The following RBFOX1 variants were observed in gnomAD, a reference collection of about 807,000 sequenced individuals.
RBFOX1 encodes RNA binding fox-1 homolog 1, also known as RNA binding protein fox-1 homolog 1.
RBFOX1 carries 8 observed loss-of-function variants against 57.7 expected under a neutral mutation model. That is an observed-to-expected ratio of 0.14 (90% CI 0.08 to 0.25). The LOEUF (loss-of-function observed/expected upper bound fraction) is 0.25. Among genes scored for constraint, RBFOX1 ranks in the 10% least tolerant of loss-of-function variants. The probability of loss-of-function intolerance (pLI) is 1.00; values close to 1 mark genes in which losing one functional copy is unlikely to be tolerated. For missense variants in RBFOX1, 611 were observed against 548.5 expected, an observed-to-expected ratio of 1.11 and a Z score of -1.14; for synonymous variants, 326 against 222.4, an observed-to-expected ratio of 1.47 and a Z score of -4.15.
In RBFOX1 at chr16:6,367,771, A is replaced by G. The variant is rs545750980; in HGVS notation, c.-64+50714A>G. 1.5e-4 allele frequency among the ~76,000 whole-genome samples: 23 copies of G among 150,718 alleles called. No individual in the cohort carries two copies. The East Asian group carries it at 4.1e-3, about 27-fold the overall frequency. On this transcript the variant is annotated intron_variant, in intron 2 of 15. Coordinates refer to ENST00000550418, the MANE Select transcript of RBFOX1 (RefSeq NM_018723.4). Reference sequence around the variant, plus strand: ...GTTAAAAAAAAAAAAAAATAGGGAAAATGATGCCAGGAGCAGAAAGCAAAG... The same window carrying G: ...GTTAAAAAAAAAAAAAAATAGGGAAGATGATGCCAGGAGCAGAAAGCAAAG...
chr16:7,412,641 A>T (rs75441812), intron 4 of RBFOX1, among the ~76,000 whole-genome samples: 1,878 of 152,364 alleles, frequency 0.012, 44 homozygotes, highest in African/African-American at 0.043. Context: ...ATTCTATCTT[A>T]GATTTCTCCC....
chr16:5,812,815 G>A (rs989999459), intron 3 of RBFOX1, among the ~76,000 whole-genome samples: 3 of 152,044 alleles, frequency 2.0e-5, no homozygotes. Context: ...GTATATGACT[G>A]TGATTTTAAT....
chr16:7,081,851 G>A (rs1035746095), intron 4 of RBFOX1, among the ~76,000 whole-genome samples: 5 of 152,182 alleles, frequency 3.3e-5, no homozygotes, highest in African/African-American at 1.2e-4. Context: ...CCATCTTCCT[G>A]TTGAGGTCAG....
intron 1 of RBFOX1, among the ~76,000 whole-genome samples, chr16:6,255,201 C>T (rs1598861097): frequency 6.6e-6 from 1 of 151,992 alleles, no homozygotes; most frequent in South Asian, 2.1e-4. Context: ...GTTTAATCAC[C>T]CCATTTGCTT....
At chr16:6,135,631 A>C (rs1388254787) in intron 1 of RBFOX1, among the ~76,000 whole-genome samples, 1 of 152,038 alleles carries the variant, frequency 6.6e-6, no homozygotes, top group African/African-American at 2.4e-5. Flanking sequence ...AGTGTAGGTA[A>C]ATCAGAATGT....
At chr16:7,657,705 C>CT (rs1223459917) in intron 12 of RBFOX1, among the ~76,000 whole-genome samples, 1 of 152,204 alleles carries the variant, frequency 6.6e-6, no homozygotes, top group East Asian at 1.9e-4. Context: ...TGAAGAGGCC[C>CT]TTTTTTGTCT....
At chr16:6,897,640 A>G (rs1036020439) in intron 3 of RBFOX1, among the ~76,000 whole-genome samples, 7 of 152,104 alleles carry the variant, frequency 4.6e-5, no homozygotes, top group Admixed American at 3.3e-4. Flanking sequence ...AAAACAAAAA[A>G]AAATTAGCTG....
intron 3 of RBFOX1, among the ~76,000 whole-genome samples, chr16:5,740,991 G>T (rs553264038): frequency 1.3e-5 from 2 of 152,236 alleles, no homozygotes; most frequent in Admixed American, 6.5e-5. Context: ...TAGGTTAAAG[G>T]AGGCAGGTGG....
chr16:7,567,119 ATC>A (rs1417277633), intron 5 of RBFOX1, among the ~76,000 whole-genome samples: 4 of 144,810 alleles, frequency 2.8e-5, no homozygotes, highest in Non-Finnish European at 3.0e-5. Context: ...ATCCATATAT[ATC>A]TCCCTATATA....
intron 1 of RBFOX1, among the ~76,000 whole-genome samples, chr16:6,272,483 G>A (rs749016774): frequency 2.1e-4 from 32 of 152,216 alleles, no homozygotes; most frequent in African/African-American, 5.8e-4. Flanking sequence ...GGATTGGAAG[G>A]CTCATCATAG....
chr16:6,865,007 T>C (rs1361948926), intron 3 of RBFOX1, among the ~76,000 whole-genome samples: 14 of 142,110 alleles, frequency 9.9e-5, no homozygotes, highest in East Asian at 8.2e-4. Flanking sequence ...TTTTTTTTTT[T>C]TTTTTTTTTT....
At chr16:5,618,504 A>AT (rs2048113902) in intron 3 of RBFOX1, among the ~76,000 whole-genome samples, 1 of 151,884 alleles carries the variant, frequency 6.6e-6, no homozygotes, top group African/African-American at 2.4e-5. Context: ...CGCCCAGCTA[A>AT]TTTTTTGTAT....
chr16:7,088,048 A>G (rs1304896279), intron 4 of RBFOX1, among the ~76,000 whole-genome samples: 4 of 152,202 alleles, frequency 2.6e-5, no homozygotes, highest in African/African-American at 9.6e-5. Flanking sequence ...TCGCATTTCC[A>G]GTGGGAGTTC....
chr16:5,923,209 C>G (rs1417848600), intron 4 of RBFOX1, among the ~76,000 whole-genome samples: 1 of 152,094 alleles, frequency 6.6e-6, no homozygotes, highest in African/African-American at 2.4e-5. Flanking sequence ...GCGAGACTTC[C>G]AGGGAAGAGA....
chr16:6,977,675 A>G (rs1040902986), intron 3 of RBFOX1, among the ~76,000 whole-genome samples: 2 of 152,180 alleles, frequency 1.3e-5, no homozygotes, highest in South Asian at 2.1e-4. Flanking sequence ...CCGAGTGCCA[A>G]GCACATTAGC....
rs538988927 is a variant in RBFOX1 at position 6,794,409 on chromosome 16, C to T, written c.-16+139759C>T. 5.3e-5 allele frequency among the ~76,000 whole-genome samples: 8 copies of T among 151,198 alleles called. No individual in the cohort carries two copies. In the South Asian group the frequency reaches 1.3e-3, roughly 24 times the overall value. On this transcript the variant is annotated intron_variant, in intron 3 of 15. Coordinates refer to ENST00000550418, the MANE Select transcript of RBFOX1 (RefSeq NM_018723.4). The stretch of plus-strand genomic sequence containing the variant: ...TTGAAAAAAAATGGGGTTTAATTAC[C>T]TGCTGCTTTTCTATTGCTCAGATTC...
intron 5 of RBFOX1, among the ~76,000 whole-genome samples, chr16:7,531,949 G>A (rs929464866): frequency 2.6e-5 from 4 of 151,962 alleles, no homozygotes; most frequent in African/African-American, 9.7e-5. Flanking sequence ...AGTGAAAGAG[G>A]CCTTCATACC....
chr16:7,247,767 T>C (rs1274299153), intron 4 of RBFOX1, among the ~76,000 whole-genome samples: 1 of 152,202 alleles, frequency 6.6e-6, no homozygotes, highest in Non-Finnish European at 1.5e-5. Context: ...AGGTCGGTGC[T>C]GTTCATCTAG....
chr16:7,428,957 G>T (rs62015740), intron 4 of RBFOX1, among the ~76,000 whole-genome samples: 3,941 of 152,080 alleles, frequency 0.026, 58 homozygotes, highest in Middle Eastern at 0.041. Flanking sequence ...AATGCCTGGC[G>T]CTCTGCAAAG....
Sources: gnomAD v4.1 joint callset for allele counts (sites outside exome capture counted in the v4.1 genomes callset) on GRCh38, gnomAD v4.1.1 for gene constraint, MANE v1.5 for transcripts, NCBI Gene and HGNC (gene_info 2026-07-23, HGNC 2026-07-21) for gene names.